TNS3: variants seen among roughly 807,000 people sequenced by gnomAD.
TNS3 encodes the protein tensin-3.
Under a neutral mutation model 140.9 loss-of-function variants are expected in TNS3, and 45 were observed. The observed-to-expected ratio is 0.32, with a 90% CI of 0.25 to 0.41. TNS3 has a LOEUF of 0.41. Ranked by LOEUF, TNS3 falls within the 10% of genes least tolerant of loss-of-function variation. The pLI is 1.00. For missense variants in TNS3, 1,716 were observed against 1,906.7 expected (o/e 0.90, Z 1.86); for synonymous variants, 815 against 788.4 (o/e 1.03, Z -0.56).
intron 16 of TNS3, among the ~76,000 whole-genome samples, chr7:47,375,197 C>A (rs948294451): frequency 2.0e-5 from 3 of 152,186 alleles, no homozygotes; most frequent in Non-Finnish European, 4.4e-5. Flanking sequence ...AGCTCTTCAG[C>A]TGCGGATGCA....
At chr7:47,364,446 C>G (rs1790576591) in intron 17 of TNS3, among the ~76,000 whole-genome samples, 1 of 152,110 alleles carries the variant, frequency 6.6e-6, no homozygotes, top group Admixed American at 6.6e-5. Context: ...CCATGCCTGA[C>G]CAATTTTTGT....
chr7:47,346,370 G>C lies in TNS3; in HGVS notation c.2282-14C>G, dbSNP rs143036883. 488 of 1,613,424 alleles carry C rather than the reference G, an allele frequency of 3.0e-4. 1 individual carries two copies. In the African/African-American group the frequency reaches 5.0e-3, roughly 16 times the overall value. Reference sequence around the variant, plus strand: ...CAGCAGAGGAGCCTGTTAAAAGGGAGACAAGCAGGCTGCAGGGCGCTTCCT... The same window carrying C: ...CAGCAGAGGAGCCTGTTAAAAGGGACACAAGCAGGCTGCAGGGCGCTTCCT... On this transcript the variant is annotated splice_polypyrimidine_tract_variant and intron_variant, in intron 17 of 30. Coordinates refer to ENST00000311160, the MANE Select transcript of TNS3 (RefSeq NM_022748.12).
At chr7:47,362,762 G>GTCA (rs1790410580) in intron 17 of TNS3, among the ~76,000 whole-genome samples, 1 of 126,112 alleles carries the variant, frequency 7.9e-6, no homozygotes, top group African/African-American at 3.0e-5. Context: ...AGTCATCACC[G>GTCA]TCATCATCAC....
intron 3 of TNS3, among the ~76,000 whole-genome samples, chr7:47,503,790 T>C (rs994952587): frequency 6.6e-6 from 1 of 152,138 alleles, no homozygotes; most frequent in African/African-American, 2.4e-5. Context: ...GGTTGGGAAG[T>C]ACAAGATCAA....
chr7:47,314,810 G>T (rs1303522538), intron 20 of TNS3, among the ~76,000 whole-genome samples: 1 of 152,174 alleles, frequency 6.6e-6, no homozygotes, highest in Non-Finnish European at 1.5e-5. Context: ...CTTGGACAGG[G>T]GCATCTGCGG....
chr7:47,513,901 C>G (rs1052184836), intron 2 of TNS3, among the ~76,000 whole-genome samples: 1 of 152,252 alleles, frequency 6.6e-6, no homozygotes, highest in Non-Finnish European at 1.5e-5. Flanking sequence ...GTTTAAGAAT[C>G]CTGGCTCCCG....
chr7:47,457,938 G>GCT (rs1056505636), intron 4 of TNS3, among the ~76,000 whole-genome samples: 5 of 152,176 alleles, frequency 3.3e-5, no homozygotes, highest in Admixed American at 1.3e-4. Context: ...GCTCCTAGCA[G>GCT]CTCACAAGCA....
intron 8 of TNS3, among the ~76,000 whole-genome samples, chr7:47,429,011 T>G (rs1794799383): frequency 6.6e-6 from 1 of 152,106 alleles, no homozygotes; most frequent in South Asian, 2.1e-4. Context: ...CAGGCCACCT[T>G]CACCCAGGGC....
At position 47,278,219 on chromosome 7, in the gene TNS3, C is replaced by T. The variant is rs1339550817; in HGVS notation, c.4195G>A (p.Val1399Ile). 6.2e-7 allele frequency: 1 copy of T among 1,613,542 alleles called. No homozygotes were observed. Among genetic ancestry groups the T allele is most frequent in the Admixed American group, 1.7e-5 (1 of 59,968 alleles). The change falls in exon 31 of 31, where the codon GTC becomes ATC. Residue 1399 changes from valine (V) to isoleucine (I), a missense_variant and splice_region_variant. Around this residue, in one of 3 missense-constraint regions of TNS3, gnomAD observed 216 missense variants for 295.7 expected, o/e 0.73. Coordinates refer to ENST00000311160, the MANE Select transcript of TNS3 (RefSeq NM_022748.12). ...TGCTTCCGGGCCACAAATCCAAAGA[C>T]TCTGCCAAAGGAAAGTCCAGTCAGA... ...KWIKDGPSSK[V>I]FGFVARKQGS...
rs1325918013 is a variant in TNS3 at position 47,368,928 on chromosome 7, G to A, written c.1718C>T (p.Ser573Phe). Residue 573 changes from serine (S) to phenylalanine (F), a missense_variant, in exon 17 of 31, where the codon TCC (serine) becomes TTC (phenylalanine). Physicochemically the swap from Ser to Phe is radical, Grantham distance 155. Transcript: ENST00000311160. ...PQPLLRKPSV[S>F]AQMQAYGQSS... Reference sequence around the variant, plus strand: ...CTGCCCATAGGCCTGCATCTGGGCGGACACTGAGGGCTTTCTCAGCAGGGG... The same window carrying A: ...CTGCCCATAGGCCTGCATCTGGGCGAACACTGAGGGCTTTCTCAGCAGGGG... The A allele has an allele frequency of 3.1e-6, 5 of 1,613,480 alleles. No homozygotes were observed. Among genetic ancestry groups the A allele is most frequent in the Admixed American group, 3.3e-5 (2 of 60,000 alleles).
intron 20 of TNS3, among the ~76,000 whole-genome samples, chr7:47,332,631 T>C (rs1788406461): frequency 1.3e-5 from 2 of 152,070 alleles, no homozygotes; most frequent in Non-Finnish European, 2.9e-5. Context: ...AATAAGGAAG[T>C]GCATTTTGAA....
chr7:47,311,721 T>A (rs1787115307), intron 20 of TNS3, among the ~76,000 whole-genome samples: 1 of 152,014 alleles, frequency 6.6e-6, no homozygotes. Context: ...CAAGAAGTTG[T>A]GGAGAAATTG....
chr7:47,411,129 G>A (rs374598525), intron 13 of TNS3, among the ~76,000 whole-genome samples: 145 of 152,288 alleles, frequency 9.5e-4, no homozygotes, highest in African/African-American at 3.4e-3. Context: ...AGAACACAGG[G>A]GTTCTCAGAA....
At position 47,304,893 on chromosome 7, in the gene TNS3, G is replaced by T. The variant is rs767289075; in HGVS notation, c.2761C>A (p.Gln921Lys). 1.6e-5 allele frequency: 23 copies of T among 1,420,024 alleles called. No individual in the cohort carries two copies. The highest frequency in any genetic ancestry group is 2.0e-5 in the Non-Finnish European group (21 of 1,074,516). 88.0% of individuals were successfully genotyped at this position (1,420,024 alleles called of 1,614,324 possible). Residue 921 changes from glutamine to lysine, a missense_variant, in exon 21 of 31, where the codon CAG becomes AAG. Around this residue, in one of 3 missense-constraint regions of TNS3, gnomAD observed 1,163 missense variants for 1,182.1 expected, o/e 0.98. Transcript: ENST00000311160. ...RADASSTPSF[Q>K]QAFASSCTIS... ...GTGCAGGAAGAAGCAAAAGCCTGCT[G>T]AAAGGAGGGCGTCGAGGACGCATCA...
chr7:47,379,056 G>A (rs894575855), intron 16 of TNS3, among the ~76,000 whole-genome samples: 3 of 152,228 alleles, frequency 2.0e-5, no homozygotes, highest in Non-Finnish European at 4.4e-5. Flanking sequence ...CAGGAGGGCT[G>A]AAAACTAGGC....
chr7:47,510,961 T>C (rs964743700), intron 2 of TNS3, among the ~76,000 whole-genome samples: 6 of 151,888 alleles, frequency 4.0e-5, no homozygotes, highest in African/African-American at 1.5e-4. Context: ...AATGTGGGGA[T>C]TTTCCTGAGA....
chr7:47,473,336 G>C (rs1797036684), intron 4 of TNS3, among the ~76,000 whole-genome samples: 1 of 152,218 alleles, frequency 6.6e-6, no homozygotes, highest in Non-Finnish European at 1.5e-5. Flanking sequence ...AGATCAGAGA[G>C]ATTAAGGAGC....
chr7:47,466,655 G>A (rs1253768157), intron 4 of TNS3, among the ~76,000 whole-genome samples: 2 of 152,188 alleles, frequency 1.3e-5, no homozygotes, highest in African/African-American at 2.4e-5. Flanking sequence ...TGGCTAGGGT[G>A]AGGACTCAGC....
intron 20 of TNS3, among the ~76,000 whole-genome samples, chr7:47,332,531 G>A (rs943855114): frequency 2.2e-4 from 33 of 152,204 alleles, no homozygotes; most frequent in African/African-American, 7.7e-4. Context: ...ACCCCAGCCC[G>A]CGAGCTGCCC....
Sources: gnomAD v4.1 joint callset for allele counts (sites outside exome capture counted in the v4.1 genomes callset) on GRCh38, gnomAD v4.1.1 for gene constraint, gnomAD v4.1.1 regional missense constraint, MANE v1.5 for transcripts, NCBI Gene and HGNC (gene_info 2026-07-23, HGNC 2026-07-21) for gene names.